ZC3H12B: variants seen among roughly 807,000 people sequenced by gnomAD.
ZC3H12B encodes the protein probable ribonuclease ZC3H12B.
In ZC3H12B, 7 loss-of-function variants were observed where a neutral mutation model predicts 43.9. The ratio of observed to expected loss-of-function variants is 0.16; its 90% CI spans 0.09 to 0.30. ZC3H12B has a LOEUF of 0.30. Among genes scored for constraint, ZC3H12B ranks in the 10% least tolerant of loss-of-function variants. The pLI is 1.00. For missense variants in ZC3H12B, 475 were observed against 670.2 expected, an observed-to-expected ratio of 0.71 and a Z score of 3.22; for synonymous variants, 222 against 241.7, an observed-to-expected ratio of 0.92 and a Z score of 0.76.
chrX:65,167,480 G>T, the ZC3H12B span, among the ~76,000 whole-genome samples: 6 of 111,701 alleles, frequency 5.4e-5, no homozygotes, highest in Non-Finnish European at 1.1e-4. Context: ...GTAGCGTGAT[G>T]CCTCCAGCTT....
the ZC3H12B span, among the ~76,000 whole-genome samples, chrX:65,227,695 G>A: frequency 3.6e-5 from 4 of 110,924 alleles, no homozygotes; most frequent in East Asian, 1.1e-3. Context: ...AAATGATAAA[G>A]GGGATATCAC....
the ZC3H12B span, among the ~76,000 whole-genome samples, chrX:65,246,620 A>G: frequency 8.9e-6 from 1 of 112,385 alleles, no homozygotes; most frequent in East Asian, 2.8e-4. Flanking sequence ...ACCTGCAACT[A>G]TTCAGTCTTC....
chrX:65,378,062 G>A (rs890668182), intron 2 of ZC3H12B, among the ~76,000 whole-genome samples: 1 of 110,068 alleles, frequency 9.1e-6, no homozygotes, highest in Admixed American at 9.7e-5. Context: ...TTGTGCCACT[G>A]CACTCCCGCC....
At chrX:65,048,077 A>G in the ZC3H12B span, among the ~76,000 whole-genome samples, 1 of 110,683 alleles carries the variant, frequency 9.0e-6, no homozygotes, top group Admixed American at 9.7e-5. Context: ...GCATCTCCAC[A>G]TTTCCCCGTT....
the ZC3H12B span, among the ~76,000 whole-genome samples, chrX:65,211,107 A>G: frequency 9.7e-6 from 1 of 102,590 alleles, no homozygotes; most frequent in Non-Finnish European, 1.9e-5. Context: ...AAAAAAAAGA[A>G]CTTTTGAGAA....
intron 3 of ZC3H12B, among the ~76,000 whole-genome samples, chrX:65,443,703 G>A (rs193194437): frequency 6.6e-4 from 74 of 112,430 alleles, no homozygotes; most frequent in African/African-American, 2.1e-3. Flanking sequence ...CGGGCCAGGT[G>A]TTCCTTGCCC....
the ZC3H12B span, among the ~76,000 whole-genome samples, chrX:65,243,439 G>GT: frequency 8.9e-6 from 1 of 112,077 alleles, no homozygotes; most frequent in East Asian, 2.8e-4. Context: ...CAGTTAGAAT[G>GT]TTTTTTATCA....
chrX:65,441,451 T>C, intron 3 of ZC3H12B, among the ~76,000 whole-genome samples: 2 of 112,032 alleles, frequency 1.8e-5, no homozygotes, highest in Middle Eastern at 9.1e-3. Flanking sequence ...AGTAATTTGA[T>C]TTACCCAATA....
intron 2 of ZC3H12B, among the ~76,000 whole-genome samples, chrX:65,396,513 A>C (rs1337308857): frequency 9.0e-6 from 1 of 110,690 alleles, no homozygotes; most frequent in Non-Finnish European, 1.9e-5. Flanking sequence ...CTTAATCCTA[A>C]GTTCTAATTT....
the ZC3H12B span, among the ~76,000 whole-genome samples, chrX:65,285,071 A>G: frequency 9.0e-6 from 1 of 110,548 alleles, no homozygotes; most frequent in Non-Finnish European, 1.9e-5. Flanking sequence ...TATTTAATAA[A>G]ATAATAGAAG....
chrX:65,170,059 A>G, the ZC3H12B span, among the ~76,000 whole-genome samples: 1 of 111,747 alleles, frequency 8.9e-6, no homozygotes, highest in Admixed American at 9.5e-5. Flanking sequence ...GTTATGTGTG[A>G]ATTTGATCCT....
chrX:65,321,949 A>G, the ZC3H12B span, among the ~76,000 whole-genome samples: 1 of 111,273 alleles, frequency 9.0e-6, no homozygotes, highest in Admixed American at 9.5e-5. Flanking sequence ...TACCATGTTT[A>G]ATACCTGGGT....
rs1556258869 is a variant in ZC3H12B, at chrX:65,473,000, A to ATATATATG, written n.408-15639_408-15638insGTATATAT. 2.7e-3 allele frequency among the ~76,000 whole-genome samples: 211 copies of ATATATATG among 78,589 alleles called. 1 individual carries two copies. Among genetic ancestry groups the ATATATATG allele is most frequent in the African/African-American group, 0.015 (195 of 13,176 alleles). The allele number at this position is 78,589 out of a possible 115,157, so 68.2% of individuals were successfully genotyped here. A position where few individuals can be genotyped will look rare whatever the true frequency, so the allele number is the denominator to read the frequency against. On this transcript the variant is annotated intron_variant and non_coding_transcript_variant, in intron 3 of 5. Coordinates refer to the ZC3H12B transcript ENST00000617377. ...TGTATATATATATATATATATATGT[A>ATATATATG]TATATATATATATATATCTGTTTGT...
rs191325562 is a variant in ZC3H12B at position 65,438,017 on chromosome X, C to T, written n.407+39313C>T. On this transcript the variant is annotated intron_variant and non_coding_transcript_variant, in intron 3 of 5. Transcript: ENST00000617377. The stretch of plus-strand genomic sequence containing the variant: ...GATTGTCCTTTCCCCATTATATGTT[C>T]TTGACACCTTTGTCAAATGTCTAGT... Among the ~76,000 whole-genome samples the T allele has an allele frequency of 1.1e-3, 128 of 112,225 alleles. 3 individuals carry two copies. The South Asian group carries it at 0.046, about 41-fold the overall frequency.
At chrX:65,105,249 GT>G in the ZC3H12B span, among the ~76,000 whole-genome samples, 1 of 109,375 alleles carries the variant, frequency 9.1e-6, no homozygotes, top group Non-Finnish European at 1.9e-5. Flanking sequence ...ATCAGGGCCT[GT>G]CGGGGGGTGG....
At chrX:65,211,721 T>G in the ZC3H12B span, among the ~76,000 whole-genome samples, 13 of 87,547 alleles carry the variant, frequency 1.5e-4, no homozygotes, top group Non-Finnish European at 2.5e-4. Context: ...ATATTATATA[T>G]TTTTATGTAA....
the ZC3H12B span, among the ~76,000 whole-genome samples, chrX:65,217,513 A>G: frequency 1.8e-5 from 2 of 112,149 alleles, no homozygotes; most frequent in Admixed American, 1.9e-4. Flanking sequence ...GACTTCTCGG[A>G]CATGGAATCT....
At chrX:65,100,473 G>A in the ZC3H12B span, among the ~76,000 whole-genome samples, 1 of 100,610 alleles carries the variant, frequency 9.9e-6, no homozygotes. Context: ...AGACCCATCA[G>A]TGTGCTGTAT....
intron 2 of ZC3H12B, among the ~76,000 whole-genome samples, chrX:65,370,905 A>G (rs1038096158): frequency 1.6e-4 from 18 of 111,964 alleles, no homozygotes; most frequent in African/African-American, 5.8e-4. Context: ...AATACATTGA[A>G]TGGGAAGAAA....
Sources: allele counts gnomAD v4.1 joint callset (sites outside exome capture counted in the v4.1 genomes callset), GRCh38; gene constraint gnomAD v4.1.1; transcripts MANE v1.5; gene names NCBI Gene and HGNC (gene_info 2026-07-23, HGNC 2026-07-21).